Variants in CEP295 observed in about 807,000 individuals in gnomAD.
CEP295 encodes centrosomal protein of 295 kDa.
In CEP295, 190 loss-of-function variants were observed where a neutral mutation model predicts 291.6. The ratio of observed to expected loss-of-function variants is 0.65; its 90% CI spans 0.58 to 0.73. The LOEUF is 0.73. CEP295 is among the 30% of genes least tolerant of loss of function. CEP295 has a pLI of 0.00. For missense variants in CEP295, 2,863 were observed against 2,949.4 expected (o/e 0.97, Z 0.68); for synonymous variants, 993 against 1,038.8 (o/e 0.96, Z 0.85).
Position 93,699,360 on chromosome 11 carries a change from C to G in CEP295, c.4448C>G (p.Ser1483Ter), listed in dbSNP as rs1952015655. Residue 1483 changes from serine (S) to a stop codon, truncating the protein, a stop_gained, in exon 15 of 30, where the codon TCA becomes TGA. Coordinates refer to ENST00000325212, the MANE Select transcript of CEP295 (RefSeq NM_033395.2). LOFTEE classifies it high-confidence loss of function. ...AAAACCCAGAAAGAATTGGTTTTGT[C>G]AAAACCATGTAAATTTGAGGAAAAG... is the stretch of plus-strand genomic sequence containing the variant. ...IEKTQKELVL[S>*]KPCKFEEKVS... 3 of 1,551,884 alleles carry G rather than the reference C, an allele frequency of 1.9e-6. No homozygotes were observed. Among genetic ancestry groups the G allele is most frequent in the East Asian group, 2.4e-5 (1 of 40,916 alleles).
At chr11:93,682,443 C>G (rs371806628) in intron 7 of CEP295, among the ~76,000 whole-genome samples, 1 of 151,938 alleles carries the variant, frequency 6.6e-6, no homozygotes, top group African/African-American at 2.4e-5. Flanking sequence ...AGGCTGGCCT[C>G]GAACTCCTGA....
intron 6 of CEP295, among the ~76,000 whole-genome samples, chr11:93,678,460 C>T (rs1248453256): frequency 6.6e-6 from 1 of 152,216 alleles, no homozygotes; most frequent in Non-Finnish European, 1.5e-5. Flanking sequence ...CTATTTATCT[C>T]ACCATGTGAG....
In CEP295 at chr11:93,721,300, T is replaced by A. The variant is rs1306103319; in HGVS notation, c.5750-12T>A. ...TTTTCTCCCATCTTGAACTCCAAAATCCATTTTTCAGTTAAGCTGAAGGAA... is the reference window on the plus strand; with the variant it reads ...TTTTCTCCCATCTTGAACTCCAAAAACCATTTTTCAGTTAAGCTGAAGGAA... On this transcript the variant is annotated splice_polypyrimidine_tract_variant and intron_variant, in intron 18 of 29. Transcript: ENST00000325212. 2.6e-6 allele frequency: 4 copies of A among 1,521,354 alleles called. No homozygotes were observed. Among genetic ancestry groups the A allele is most frequent in the Non-Finnish European group, 3.6e-6 (4 of 1,118,800 alleles). 94.2% of individuals were successfully genotyped at this position (1,521,354 alleles called of 1,614,324 possible).
chr11:93,723,251 A>T lies in CEP295; in HGVS notation c.6158A>T (p.Asn2053Ile). ...HFQQMIDKYI[N>I]EANLIPEKTD... ...CAGCAAATGATAGACAAGTACATTA[A>T]TGAAGCAAATTTGATACCTGAAAAA... The change falls in exon 21 of 30, where the codon AAT becomes ATT. Residue 2053 changes from asparagine (N) to isoleucine (I), a missense_variant. Physicochemically the swap from Asn to Ile is moderately radical, Grantham distance 149. Coordinates refer to ENST00000325212, the MANE Select transcript of CEP295 (RefSeq NM_033395.2). 1 of 1,538,388 alleles carries T rather than the reference A, an allele frequency of 6.5e-7. No homozygotes were observed. The highest frequency in any genetic ancestry group is 8.8e-7 in the Non-Finnish European group (1 of 1,140,042).
At chr11:93,669,479 T>G (rs1470159858) in intron 4 of CEP295, among the ~76,000 whole-genome samples, 198 bp from the exon 5 acceptor site, 3 of 151,940 alleles carry the variant, frequency 2.0e-5, no homozygotes, top group Admixed American at 1.3e-4. Flanking sequence ...CATAGAGCTT[T>G]CTGTCTTTAG....
At chr11:93,719,405 C>T (rs1476276642) in intron 18 of CEP295, among the ~76,000 whole-genome samples, 2 of 151,964 alleles carry the variant, frequency 1.3e-5, no homozygotes, top group African/African-American at 4.8e-5. Flanking sequence ...GTAGCTAGGA[C>T]TACAGGAGCA....
Position 93,677,414 on chromosome 11 carries a change from A to T in CEP295, c.624+1748A>T, listed in dbSNP as rs115898884. On this transcript the variant is annotated intron_variant, in intron 6 of 29. Coordinates refer to ENST00000325212, the MANE Select transcript of CEP295 (RefSeq NM_033395.2). ...TTAATATCCTGATAAAGTAATTCCA[A>T]AATCTTTTATATGTCATAATATATA... Among the ~76,000 whole-genome samples the T allele has an allele frequency of 9.2e-3, 1,402 of 152,222 alleles. 21 individuals carry two copies. Among genetic ancestry groups the T allele is most frequent in the African/African-American group, 0.032 (1,340 of 41,550 alleles).
chr11:93,697,320 A>C lies in CEP295; in HGVS notation c.2408A>C (p.Glu803Ala). Residue 803 changes from glutamate (E) to alanine (A), a missense_variant, in exon 15 of 30, where the codon GAG becomes GCG. This residue lies in a region of CEP295 where 2,295 missense variants were observed against 2,335.7 expected (regional missense o/e 0.98). Transcript: ENST00000325212. ...HSFSSLPVKV[E>A]SGKIQEPFSA... ...TTTAGTTCTCTGCCTGTTAAAGTTG[A>C]GTCAGGAAAAATTCAAGAACCCTTT... The C allele has an allele frequency of 1.3e-6, 2 of 1,551,778 alleles. No individual in the cohort carries two copies. The highest frequency in any genetic ancestry group is 1.2e-5 in the South Asian group (1 of 84,066).
rs958054424 is a variant in CEP295, at chr11:93,699,420, G to C, written c.4508G>C (p.Gly1503Ala). ...GAGCATTTTATCCAGTCTCACCATG[G>C]TGATTTGCAGGCACTTCAACAGCAG... ...SSEHFIQSHH[G>A]DLQALQQQLD... The change falls in exon 15 of 30, where the codon GGT (glycine) becomes GCT (alanine). Residue 1503 changes from glycine (G) to alanine (A), a missense_variant. Transcript: ENST00000325212. 1 of 1,551,732 alleles carries C rather than the reference G, an allele frequency of 6.4e-7. No homozygotes were observed. The highest frequency in any genetic ancestry group is 1.4e-5 in the African/African-American group (1 of 73,172).
At chr11:93,679,040 A>G (rs1950837162) in intron 6 of CEP295, among the ~76,000 whole-genome samples, 1 of 152,116 alleles carries the variant, frequency 6.6e-6, no homozygotes, top group Non-Finnish European at 1.5e-5. Context: ...TATTTTTAGT[A>G]AAGACAGAGT....
At chr11:93,714,810 T>C (rs958906956) in intron 18 of CEP295, among the ~76,000 whole-genome samples, 24 of 152,218 alleles carry the variant, frequency 1.6e-4, no homozygotes, top group East Asian at 3.9e-4. Context: ...ATTCTTTACC[T>C]TCCTGTCTCC....
intron 7 of CEP295, among the ~76,000 whole-genome samples, chr11:93,681,136 G>C (rs1002042602): frequency 6.6e-6 from 1 of 152,090 alleles, no homozygotes; most frequent in Non-Finnish European, 1.5e-5. Flanking sequence ...AAGCAAGTGG[G>C]CTTCACAGTC....
chr11:93,693,234 G>C (rs189858074), intron 12 of CEP295, among the ~76,000 whole-genome samples: 1 of 146,134 alleles, frequency 6.8e-6, no homozygotes, highest in Non-Finnish European at 1.5e-5. Context: ...CCGAGATTGC[G>C]CCACTGCACT....
chr11:93,707,198 C>A (rs932708941), intron 18 of CEP295, among the ~76,000 whole-genome samples: 4 of 152,028 alleles, frequency 2.6e-5, no homozygotes, highest in Admixed American at 6.6e-5. Context: ...TAATTAAATA[C>A]TGTTAAATAT....
intron 1 of CEP295, among the ~76,000 whole-genome samples, chr11:93,665,004 C>T (rs1317099761): frequency 6.6e-6 from 1 of 152,002 alleles, no homozygotes; most frequent in Non-Finnish European, 1.5e-5. Context: ...AAATTAGTCC[C>T]CATCTGAATG....
chr11:93,662,919 G>A (rs1950051800), intron 1 of CEP295, among the ~76,000 whole-genome samples: 3 of 152,310 alleles, frequency 2.0e-5, no homozygotes. Context: ...CTGAAAAGGT[G>A]CCTAATCAAT....
At chr11:93,689,562 G>C (rs1350073065) in intron 10 of CEP295, among the ~76,000 whole-genome samples, 5 of 151,892 alleles carry the variant, frequency 3.3e-5, no homozygotes, top group African/African-American at 1.2e-4. Context: ...TCTCAGTAAG[G>C]CCTTTTCTGA....
chr11:93,720,711 C>G (rs1049328809), intron 18 of CEP295, among the ~76,000 whole-genome samples: 7 of 152,082 alleles, frequency 4.6e-5, no homozygotes, highest in Non-Finnish European at 8.8e-5. Context: ...ACCCTCCCAC[C>G]TCAGTCTCCT....
intron 5 of CEP295, among the ~76,000 whole-genome samples, chr11:93,671,404 A>G (rs1950442084): frequency 6.6e-6 from 1 of 152,070 alleles, no homozygotes; most frequent in Admixed American, 6.5e-5. Flanking sequence ...TAATATCTGA[A>G]ATTTGGTCAG....
Sources: allele counts gnomAD v4.1 joint callset (sites outside exome capture counted in the v4.1 genomes callset), GRCh38; gene constraint gnomAD v4.1.1; regional missense constraint gnomAD v4.1.1; transcripts MANE v1.5; gene names NCBI Gene and HGNC (gene_info 2026-07-23, HGNC 2026-07-21).